The following EBF3 variants were observed in gnomAD, a reference collection of about 807,000 sequenced individuals.
EBF3 encodes the protein EBF transcription factor 3.
EBF3 carries 18 observed loss-of-function variants against 77.1 expected under a neutral mutation model. The ratio of observed to expected loss-of-function variants is 0.23; its 90% CI spans 0.16 to 0.35. The LOEUF (loss-of-function observed/expected upper bound fraction) is 0.35. Ranked by LOEUF, EBF3 falls within the 10% of genes least tolerant of loss-of-function variation. EBF3 has a pLI of 1.00. For missense variants in EBF3, 558 were observed against 860.0 expected (o/e 0.65, Z 4.39); for synonymous variants, 350 against 343.5 (o/e 1.02, Z -0.21).
At chr10:129,950,947 A>AATT (rs1188774048) in intron 6 of EBF3, among the ~76,000 whole-genome samples, 10 of 152,216 alleles carry the variant, frequency 6.6e-5, no homozygotes, top group Admixed American at 1.3e-4. Context: ...CCTGTCTGCA[A>AATT]TGACAATTTC....
At chr10:129,956,394 A>G (rs1179803769) in intron 6 of EBF3, among the ~76,000 whole-genome samples, 1 of 152,222 alleles carries the variant, frequency 6.6e-6, no homozygotes, top group Non-Finnish European at 1.5e-5. Context: ...ATCTGCAGTC[A>G]ATCACACGCT....
intron 6 of EBF3, among the ~76,000 whole-genome samples, chr10:129,893,701 C>G (rs902533633): frequency 1.3e-5 from 2 of 152,214 alleles, no homozygotes; most frequent in East Asian, 1.9e-4. Flanking sequence ...CAAATCACAG[C>G]GCACGCATGA....
rs1858331406 is a variant in EBF3 at position 129,947,688 on chromosome 10, A to G, written c.554+9570T>C. On this transcript the variant is annotated intron_variant, in intron 6 of 16. Coordinates refer to ENST00000440978, the MANE Select transcript of EBF3 (RefSeq NM_001375380.1). This position sits in a 1 kb window ranked among gnomAD's most constrained non-coding sequence, Gnocchi z 4.5. ...TTGCAAAGGAACCAAATGCTTTGAAAAAAAAAAAAAAAGAAGGGCAGGACG... is the reference window on the plus strand; with the variant it reads ...TTGCAAAGGAACCAAATGCTTTGAAGAAAAAAAAAAAAGAAGGGCAGGACG... Among the ~76,000 whole-genome samples the G allele has an allele frequency of 6.6e-6, 1 of 151,712 alleles. No homozygotes were observed. The highest frequency in any genetic ancestry group is 2.4e-5 in the African/African-American group (1 of 41,344).
chr10:129,959,141 G>A, intron 4 of EBF3, 134 bp from the exon 5 acceptor site: 4 of 1,092,526 alleles, frequency 3.7e-6, no homozygotes, highest in Non-Finnish European at 2.6e-6. Flanking sequence ...CCCCTCCCTC[G>A]GCCACCCTCC....
chr10:129,876,199 T>C (rs961533641), intron 7 of EBF3, among the ~76,000 whole-genome samples: 6 of 152,150 alleles, frequency 3.9e-5, no homozygotes, highest in African/African-American at 7.2e-5. Context: ...GCTGAAACTA[T>C]TGTGTAAGCA....
intron 6 of EBF3, among the ~76,000 whole-genome samples, chr10:129,881,488 C>T (rs547653249): frequency 6.4e-4 from 97 of 152,314 alleles, no homozygotes; most frequent in African/African-American, 2.0e-3. Context: ...ACGCCAGGCG[C>T]GGCTTTCCCA....
chr10:129,839,428 G>A (rs1395322009), intron 15 of EBF3, among the ~76,000 whole-genome samples: 2 of 152,248 alleles, frequency 1.3e-5, no homozygotes, highest in African/African-American at 4.8e-5. Flanking sequence ...ACACATCACA[G>A]GCCACGTGCA....
chr10:129,850,148 G>A (rs979168719), intron 10 of EBF3, among the ~76,000 whole-genome samples: 4 of 152,222 alleles, frequency 2.6e-5, no homozygotes, highest in Non-Finnish European at 5.9e-5. Flanking sequence ...CATTTCTAAC[G>A]TGTCAGGTTT....
At chr10:129,904,467 CA>C (rs1487404363) in intron 6 of EBF3, among the ~76,000 whole-genome samples, 2 of 150,072 alleles carry the variant, frequency 1.3e-5, no homozygotes, top group Non-Finnish European at 3.0e-5. Context: ...GATGGACAGA[CA>C]AATGGAAGAT....
At chr10:129,871,613 G>A (rs1852415038) in intron 8 of EBF3, among the ~76,000 whole-genome samples, 1 of 152,148 alleles carries the variant, frequency 6.6e-6, no homozygotes, top group Non-Finnish European at 1.5e-5. Context: ...AAGGGGTTTG[G>A]GGGACAAATA....
intron 6 of EBF3, among the ~76,000 whole-genome samples, chr10:129,956,950 T>G (rs536988485): frequency 1.3e-5 from 2 of 152,252 alleles, no homozygotes; most frequent in Non-Finnish European, 2.9e-5. Context: ...AAGCATTTTA[T>G]GACACATCTC....
intron 6 of EBF3, among the ~76,000 whole-genome samples, chr10:129,927,137 C>T (rs192903672): frequency 3.2e-4 from 48 of 152,254 alleles, no homozygotes; most frequent in African/African-American, 1.1e-3. Context: ...GCCTGAGAAG[C>T]GACACAACCG....
intron 6 of EBF3, among the ~76,000 whole-genome samples, chr10:129,898,462 G>T (rs1854547420): frequency 6.6e-6 from 1 of 152,140 alleles, no homozygotes; most frequent in African/African-American, 2.4e-5. Flanking sequence ...GTGGGCTATT[G>T]TTATAGGGAA....
At chr10:129,932,777 G>A (rs569968147) in intron 6 of EBF3, among the ~76,000 whole-genome samples, 106 of 152,258 alleles carry the variant, frequency 7.0e-4, no homozygotes, top group Non-Finnish European at 1.3e-3. Context: ...TGACAGAGCC[G>A]GCATGTGACC....
chr10:129,914,168 C>G (rs1855713209), intron 6 of EBF3, among the ~76,000 whole-genome samples: 1 of 152,218 alleles, frequency 6.6e-6, no homozygotes, highest in Non-Finnish European at 1.5e-5. Context: ...ACATGACGGG[C>G]AGAGGGGCTG....
chr10:129,961,653 A>G (rs1179330578), intron 4 of EBF3, among the ~76,000 whole-genome samples: 4 of 152,150 alleles, frequency 2.6e-5, no homozygotes, highest in African/African-American at 9.7e-5. Context: ...CGAGGTGAAG[A>G]TGGACTAGAG....
rs761175161 is a variant in EBF3, at chr10:129,873,443, T to G, written c.781+9A>C. On this transcript the variant is annotated intron_variant, in intron 8 of 16. Coordinates refer to ENST00000440978, the MANE Select transcript of EBF3 (RefSeq NM_001375380.1). ...CGCAAATAAAAAAAGACATGTAACA[T>G]GTGCCTACCATTTTCCAGATAAGAA... 1.3e-6 allele frequency: 2 copies of G among 1,517,824 alleles called. No homozygotes were observed. Among genetic ancestry groups the G allele is most frequent in the South Asian group, 1.3e-5 (1 of 78,146 alleles). The allele number at this position is 1,517,824 out of a possible 1,614,324, so 94.0% of individuals were successfully genotyped here.
intron 10 of EBF3, among the ~76,000 whole-genome samples, chr10:129,856,211 A>G (rs1178724786): frequency 1.3e-5 from 2 of 152,230 alleles, no homozygotes; most frequent in Admixed American, 1.3e-4. Context: ...CATCTGGCCA[A>G]CACAGAAGGT....
intron 6 of EBF3, among the ~76,000 whole-genome samples, chr10:129,924,798 C>A (rs1043256497): frequency 6.6e-6 from 1 of 152,150 alleles, no homozygotes; most frequent in African/African-American, 2.4e-5. Context: ...TCTTGAGTAG[C>A]TGTGACCACA....
Sources: allele counts gnomAD v4.1 joint callset (sites outside exome capture counted in the v4.1 genomes callset), GRCh38; gene constraint gnomAD v4.1.1; non-coding constraint Gnocchi (gnomAD v3.1); transcripts MANE v1.5; gene names NCBI Gene and HGNC (gene_info 2026-07-23, HGNC 2026-07-21).